PCDHGB3: variants seen among roughly 807,000 people sequenced by gnomAD.
The protein encoded by PCDHGB3 is protocadherin gamma-B3.
In PCDHGB3, 40 loss-of-function variants were observed where a neutral mutation model predicts 59.2. The ratio of observed to expected loss-of-function variants is 0.68; its 90% CI spans 0.52 to 0.88. PCDHGB3 has a LOEUF of 0.88. Among genes scored for constraint, PCDHGB3 ranks in the 40% least tolerant of loss-of-function variants. The pLI, the probability that PCDHGB3 is intolerant of heterozygous loss-of-function variation, is 0.00. For missense variants in PCDHGB3, 1,309 were observed against 1,187.9 expected (o/e 1.10, Z -1.50); for synonymous variants, 581 against 503.6 (o/e 1.15, Z -2.06).
At chr5:141,390,414 G>A in intron 1 of PCDHGB3, 1 of 1,159,988 alleles carries the variant, frequency 8.6e-7, no homozygotes, top group Non-Finnish European at 1.2e-6. Context: ...GTTGTAGTCA[G>A]TTAAAAAGCT....
chr5:141,490,833 G>C lies in PCDHGB3; in HGVS notation c.2416-3974G>C, dbSNP rs781529579. ...ACTATGAATTGCTGCAGATGCTGCA[G>C]ATTGTGGTGGGGGTTCGAGACTCCG... On this transcript the variant is annotated intron_variant, in intron 1 of 3. Coordinates refer to ENST00000576222, the MANE Select transcript of PCDHGB3 (RefSeq NM_018924.5). This position sits in a 1 kb window ranked among gnomAD's most constrained non-coding sequence, Gnocchi z 5.4. The C allele has an allele frequency of 6.2e-7, 1 of 1,613,932 alleles. No homozygotes were observed. Among genetic ancestry groups the C allele is most frequent in the East Asian group, 2.2e-5 (1 of 44,884 alleles).
chr5:141,456,973 A>G (rs1276476368), intron 1 of PCDHGB3, among the ~76,000 whole-genome samples: 2 of 147,412 alleles, frequency 1.4e-5, no homozygotes, highest in Admixed American at 6.7e-5. Flanking sequence ...AAAACAAAAC[A>G]AACAAACAAA....
chr5:141,423,078 C>A (rs752144906), intron 1 of PCDHGB3: 1 of 1,613,990 alleles, frequency 6.2e-7, no homozygotes, highest in Admixed American at 1.7e-5. Context: ...AGCCGGGACT[C>A]TTCGCGGTGG....
rs1250096461 is a variant in PCDHGB3 at position 141,485,533 on chromosome 5, G to A, written c.2416-9274G>A. 6.2e-7 allele frequency: 1 copy of A among 1,614,084 alleles called. No homozygotes were observed. Among genetic ancestry groups the A allele is most frequent in the Non-Finnish European group, 8.5e-7 (1 of 1,180,034 alleles). On this transcript the variant is annotated intron_variant, in intron 1 of 3. Coordinates refer to ENST00000576222, the MANE Select transcript of PCDHGB3 (RefSeq NM_018924.5). This position sits in a 1 kb window ranked among gnomAD's most constrained non-coding sequence, Gnocchi z 5.7. ...GTCCTTTGGAAATGTACCGAGCAGA[G>A]GTAGAGATCGTAGATGTGAATGATC...
At position 141,431,896 on chromosome 5, in the gene PCDHGB3, C is replaced by A. The variant is rs1292629023; in HGVS notation, c.2415+59087C>A. The A allele has an allele frequency of 6.2e-7, 1 of 1,613,940 alleles. No homozygotes were observed. The highest frequency in any genetic ancestry group is 1.3e-5 in the African/African-American group (1 of 74,924). On this transcript the variant is annotated intron_variant, in intron 1 of 3. Coordinates refer to ENST00000576222, the MANE Select transcript of PCDHGB3 (RefSeq NM_018924.5). This position sits in a 1 kb window ranked among gnomAD's most constrained non-coding sequence, Gnocchi z 4.8. Reference sequence around the variant, plus strand: ...TAAATGACCAAGATTCTGAGGAAAACGGACAGGTGATCTGTTTCATCCAAG... The same window carrying A: ...TAAATGACCAAGATTCTGAGGAAAAAGGACAGGTGATCTGTTTCATCCAAG...
rs373516334 is a variant in PCDHGB3 at position 141,414,175 on chromosome 5, A to G, written c.2415+41366A>G. On this transcript the variant is annotated intron_variant, in intron 1 of 3. Transcript: ENST00000576222. ...AGAAGATGGAGGAGCATATCTTGCA[A>G]CTGCAAAAGTGTTGATTACAGTAGA... 1.6e-5 allele frequency: 25 copies of G among 1,607,698 alleles called. No homozygotes were observed. The highest frequency in any genetic ancestry group is 1.3e-4 in the South Asian group (12 of 90,242).
intron 1 of PCDHGB3, among the ~76,000 whole-genome samples, chr5:141,483,021 G>A (rs543104114): frequency 6.6e-6 from 1 of 152,126 alleles, no homozygotes; most frequent in East Asian, 1.9e-4. Context: ...GGAGGCAGAG[G>A]TTGCAATGAG....
intron 2 of PCDHGB3, among the ~76,000 whole-genome samples, chr5:141,499,326 C>G (rs1465474737): frequency 6.6e-6 from 1 of 152,156 alleles, no homozygotes; most frequent in Non-Finnish European, 1.5e-5. Flanking sequence ...TATCCCTGCT[C>G]TCTCTCAGTT....
At position 141,491,514 on chromosome 5, in the gene PCDHGB3, G is replaced by A. The variant is rs753335815; in HGVS notation, c.2416-3293G>A. ...AGGTGAGCTCGGACGGCACGCTCAAGTACATGGAGGTGACGCTGCGGCCCA... is the reference window on the plus strand; with the variant it reads ...AGGTGAGCTCGGACGGCACGCTCAAATACATGGAGGTGACGCTGCGGCCCA... On this transcript the variant is annotated intron_variant, in intron 1 of 3. Coordinates refer to ENST00000576222, the MANE Select transcript of PCDHGB3 (RefSeq NM_018924.5). The surrounding 1 kb of genome is among the most constrained non-coding windows in gnomAD (Gnocchi z 6.9). 2 of 1,613,964 alleles carry A rather than the reference G, an allele frequency of 1.2e-6. No individual in the cohort carries two copies. Among genetic ancestry groups the A allele is most frequent in the East Asian group, 2.2e-5 (1 of 44,892 alleles).
chr5:141,400,167 C>A, intron 1 of PCDHGB3: 1 of 1,614,082 alleles, frequency 6.2e-7, no homozygotes, highest in Non-Finnish European at 8.5e-7. Flanking sequence ...CCTCTGACCC[C>A]CAGGCTGAGC....
rs372031191 is a variant in PCDHGB3, at chr5:141,395,092, C to T, written c.2415+22283C>T. 3.2e-5 allele frequency: 52 copies of T among 1,614,088 alleles called. No homozygotes were observed. The highest frequency in any genetic ancestry group is 4.2e-5 in the Non-Finnish European group (50 of 1,180,040). On this transcript the variant is annotated intron_variant, in intron 1 of 3. Transcript: ENST00000576222. ...ACCTATTCCCAGGAAGTCTCCCTCA[C>T]CGCCGACTCGCGGAAGAGTCACCTG...
At chr5:141,382,962 G>C in intron 1 of PCDHGB3, 1 of 1,607,858 alleles carries the variant, frequency 6.2e-7, no homozygotes, top group Admixed American at 1.7e-5. Flanking sequence ...TCCTCCTGGG[G>C]ACCCCCTGGG....
chr5:141,400,352 G>A (rs1214813312), intron 1 of PCDHGB3: 2 of 1,614,044 alleles, frequency 1.2e-6, no homozygotes, highest in Non-Finnish European at 1.7e-6. Flanking sequence ...TACAGTCAGG[G>A]GACTTTGCCT....
intron 1 of PCDHGB3, among the ~76,000 whole-genome samples, chr5:141,465,017 C>T (rs1278815002): frequency 6.6e-6 from 1 of 152,132 alleles, no homozygotes; most frequent in Non-Finnish European, 1.5e-5. Context: ...GCTAAGATTA[C>T]AGCCATGAAC....
At chr5:141,384,573 C>A in intron 1 of PCDHGB3, 1 of 1,614,250 alleles carries the variant, frequency 6.2e-7, no homozygotes, top group Non-Finnish European at 8.5e-7. Context: ...AGAATGACAA[C>A]CCGCCCGAGA....
Position 141,374,942 on chromosome 5 carries a change from A to G in PCDHGB3, c.2415+2133A>G, listed in dbSNP as rs758134474. The G allele has an allele frequency of 5.6e-6, 9 of 1,613,926 alleles. No individual in the cohort carries two copies. Among genetic ancestry groups the G allele is most frequent in the Non-Finnish European group, 7.6e-6 (9 of 1,179,910 alleles). ...TTATTCCTTTGTGAAGATTACAGAA[A>G]AGATCTCACAAATTTTCTGTTTGAA... On this transcript the variant is annotated intron_variant, in intron 1 of 3. Coordinates refer to ENST00000576222, the MANE Select transcript of PCDHGB3 (RefSeq NM_018924.5).
intron 1 of PCDHGB3, chr5:141,400,558 C>T: frequency 1.2e-6 from 2 of 1,613,290 alleles, no homozygotes; most frequent in Non-Finnish European, 1.7e-6. Flanking sequence ...TTTTTCATTA[C>T]CCACCCAATT....
At chr5:141,430,573 A>C (rs938248057) in intron 1 of PCDHGB3, 8 of 448,940 alleles carry the variant, frequency 1.8e-5, no homozygotes, top group Non-Finnish European at 3.0e-5. Context: ...AGAAAAGCGG[A>C]GATCCTGCTC....
At chr5:141,409,772 C>T (rs2095314133) in intron 1 of PCDHGB3, 1 of 1,612,736 alleles carries the variant, frequency 6.2e-7, no homozygotes, top group Non-Finnish European at 8.5e-7. Flanking sequence ...TGATCACGAG[C>T]AGCTGCGCGC....
Sources: allele counts gnomAD v4.1 joint callset (sites outside exome capture counted in the v4.1 genomes callset), GRCh38; gene constraint gnomAD v4.1.1; non-coding constraint Gnocchi (gnomAD v3.1); transcripts MANE v1.5; gene names NCBI Gene and HGNC (gene_info 2026-07-23, HGNC 2026-07-21).